CYP39A1: variants seen among roughly 807,000 people sequenced by gnomAD.
The protein encoded by CYP39A1 is 24-hydroxycholesterol 7-alpha-hydroxylase.
Under a neutral mutation model 58.1 loss-of-function variants are expected in CYP39A1, and 49 were observed. That is an observed-to-expected ratio of 0.84 (90% CI 0.67 to 1.07). The LOEUF is 1.07. Ranked by LOEUF, CYP39A1 falls within the 50% of genes least tolerant of loss-of-function variation. The pLI is 0.00. For synonymous variants in CYP39A1, 209 were observed against 187.6 expected (o/e 1.11, Z -0.93); for missense variants, 531 against 539.4 (o/e 0.98, Z 0.16).
At chr6:46,620,859 G>A (rs1385059220) in intron 7 of CYP39A1, among the ~76,000 whole-genome samples, 5 of 152,060 alleles carry the variant, frequency 3.3e-5, no homozygotes, top group African/African-American at 9.7e-5. Context: ...GGCCACCCAT[G>A]ACAAAGAATG....
At chr6:46,584,280 T>C (rs1461365978) in intron 10 of CYP39A1, among the ~76,000 whole-genome samples, 3 of 152,196 alleles carry the variant, frequency 2.0e-5, no homozygotes, top group Non-Finnish European at 4.4e-5. Flanking sequence ...ATTCAACATT[T>C]ATATTTAACT....
In CYP39A1 at chr6:46,586,097, A is replaced by G. The variant is rs930740662; in HGVS notation, c.1250+980T>C. 2.6e-5 allele frequency among the ~76,000 whole-genome samples: 4 copies of G among 152,176 alleles called. No homozygotes were observed. In the South Asian group the frequency reaches 6.2e-4, roughly 24 times the overall value. On this transcript the variant is annotated intron_variant, in intron 10 of 11. Coordinates refer to ENST00000275016, the MANE Select transcript of CYP39A1 (RefSeq NM_016593.5). ...GAGGATAGAATTTCCATGATTGGCT[A>G]TGACTGATTAATACTATTTTAGGGG...
chr6:46,615,655 G>T (rs1244531819), intron 7 of CYP39A1, among the ~76,000 whole-genome samples: 1 of 151,502 alleles, frequency 6.6e-6, no homozygotes, highest in Admixed American at 6.6e-5. Context: ...GACAAAGAAA[G>T]AAAAGCTTTT....
At chr6:46,632,732 A>G (rs541974110) in intron 5 of CYP39A1, among the ~76,000 whole-genome samples, 1 of 152,166 alleles carries the variant, frequency 6.6e-6, no homozygotes, top group Non-Finnish European at 1.5e-5. Flanking sequence ...TGCCAGGGAC[A>G]TATAGCTTGA....
At chr6:46,616,998 G>A (rs769193388) in intron 7 of CYP39A1, among the ~76,000 whole-genome samples, 1 of 151,996 alleles carries the variant, frequency 6.6e-6, no homozygotes, top group Non-Finnish European at 1.5e-5. Flanking sequence ...AGGGGGGTTG[G>A]GATCTACATG....
At chr6:46,634,909 A>T (rs1309666314) in intron 5 of CYP39A1, among the ~76,000 whole-genome samples, 1 of 152,188 alleles carries the variant, frequency 6.6e-6, no homozygotes. Context: ...TTTTATATAC[A>T]TGTGCTTTTG....
chr6:46,650,131 C>CAT (rs1762582161), intron 1 of CYP39A1, among the ~76,000 whole-genome samples: 1 of 151,328 alleles, frequency 6.6e-6, no homozygotes, highest in South Asian at 2.1e-4. Context: ...CACACACACA[C>CAT]ACACACACAT....
At chr6:46,623,583 T>C (rs907213079) in intron 7 of CYP39A1, among the ~76,000 whole-genome samples, 2 of 152,150 alleles carry the variant, frequency 1.3e-5, no homozygotes, top group Non-Finnish European at 2.9e-5. Flanking sequence ...TCAGCCTCCA[T>C]AGTCAGGTCA....
At chr6:46,553,580 A>G (rs1770521585) in intron 11 of CYP39A1, among the ~76,000 whole-genome samples, 187 bp downstream of exon 11, 1 of 152,338 alleles carries the variant, frequency 6.6e-6, no homozygotes, top group East Asian at 1.9e-4. Flanking sequence ...AATTGGGTAC[A>G]TAGATTAGAT....
At position 46,650,387 on chromosome 6, in the gene CYP39A1, T is replaced by TC. The variant is rs1762605912; in HGVS notation, c.177+2018_177+2019insG. Among the ~76,000 whole-genome samples the TC allele has an allele frequency of 7.3e-5, 11 of 150,850 alleles. 1 individual carries two copies. In the South Asian group the frequency reaches 2.3e-3, roughly 32 times the overall value. ...CCAAAGGTGGGAGCACTCTGGCTTT[T>TC]TTTTTTATCATACTGCCCAGATTAA... On this transcript the variant is annotated intron_variant, in intron 1 of 11. Coordinates refer to ENST00000275016, the MANE Select transcript of CYP39A1 (RefSeq NM_016593.5).
At position 46,550,455 on chromosome 6, in the gene CYP39A1, G is replaced by A. The variant is rs781634326; in HGVS notation, c.1339-18C>T. ...AGATAACTCTAAAAACAGAAATGCAGAAGAAATAGAAATTAAGAGACATAA... is the reference window on the plus strand; with the variant it reads ...AGATAACTCTAAAAACAGAAATGCAAAAGAAATAGAAATTAAGAGACATAA... On this transcript the variant is annotated intron_variant, in intron 11 of 11. Transcript: ENST00000275016. 1.9e-6 allele frequency: 3 copies of A among 1,602,378 alleles called. No individual in the cohort carries two copies. In the African/African-American group the frequency reaches 4.0e-5, roughly 21 times the overall value.
intron 7 of CYP39A1, among the ~76,000 whole-genome samples, chr6:46,622,679 G>A (rs1460415411): frequency 1.3e-5 from 2 of 149,590 alleles, no homozygotes; most frequent in Non-Finnish European, 2.9e-5. Flanking sequence ...GGAAGAAGCA[G>A]ATAATGAAGA....
At chr6:46,550,482 T>C (rs1353342684) in intron 11 of CYP39A1, 45 bp from the exon 12 acceptor site, 2 of 1,554,472 alleles carry the variant, frequency 1.3e-6, no homozygotes, top group Admixed American at 3.5e-5. Flanking sequence ...GAGACATAAG[T>C]CCACAGTTTC....
intron 10 of CYP39A1, among the ~76,000 whole-genome samples, chr6:46,573,270 T>A (rs1771687076): frequency 6.6e-6 from 1 of 152,100 alleles, no homozygotes; most frequent in African/African-American, 2.4e-5. Flanking sequence ...GTAGCAGTCA[T>A]CTCTTCAAGA....
At chr6:46,648,078 T>C (rs1206813561) in intron 1 of CYP39A1, among the ~76,000 whole-genome samples, 3 of 152,118 alleles carry the variant, frequency 2.0e-5, no homozygotes, top group African/African-American at 7.2e-5. Flanking sequence ...TGTAAACTAG[T>C]TCAACCATTG....
chr6:46,567,847 G>A (rs1771379853), intron 10 of CYP39A1, among the ~76,000 whole-genome samples: 1 of 152,114 alleles, frequency 6.6e-6, no homozygotes, highest in Non-Finnish European at 1.5e-5. Flanking sequence ...AAATTGTTTT[G>A]AGAGAAAGTT....
intron 6 of CYP39A1, among the ~76,000 whole-genome samples, chr6:46,628,472 A>C (rs1775450757): frequency 6.6e-6 from 1 of 152,236 alleles, no homozygotes; most frequent in African/African-American, 2.4e-5. Flanking sequence ...TCTTCTAAAA[A>C]AATCATTTGG....
chr6:46,649,348 T>G (rs1762530726), intron 1 of CYP39A1, among the ~76,000 whole-genome samples: 1 of 152,224 alleles, frequency 6.6e-6, no homozygotes, highest in African/African-American at 2.4e-5. Flanking sequence ...AGAAGTAACA[T>G]CAGATCACTT....
chr6:46,636,671 G>T (rs1440147107), intron 4 of CYP39A1, among the ~76,000 whole-genome samples, 189 bp from the exon 5 acceptor site: 1 of 152,204 alleles, frequency 6.6e-6, no homozygotes, highest in African/African-American at 2.4e-5. Context: ...GGGAGGCAGA[G>T]CAACTACATT....
Sources: gnomAD v4.1 joint callset for allele counts (sites outside exome capture counted in the v4.1 genomes callset) on GRCh38, gnomAD v4.1.1 for gene constraint, MANE v1.5 for transcripts, NCBI Gene and HGNC (gene_info 2026-07-23, HGNC 2026-07-21) for gene names.